The following PLPP3 variants were observed in gnomAD, a reference collection of about 807,000 sequenced individuals.
PLPP3 encodes the protein PAP2 beta.
Under a neutral mutation model 29.6 loss-of-function variants are expected in PLPP3, and 6 were observed. That is an observed-to-expected ratio of 0.20 (90% confidence interval 0.11 to 0.40). PLPP3 has a LOEUF of 0.40. PLPP3 is among the 10% of genes least tolerant of loss of function. PLPP3 has a pLI of 1.00. For missense variants in PLPP3, 308 were observed against 407.7 expected (o/e 0.76, Z 2.11); for synonymous variants, 152 against 159.7 (o/e 0.95, Z 0.36).
Position 56,524,441 on chromosome 1 carries a change from A to G in PLPP3, c.411T>C (p.Cys137=). 6.2e-7 allele frequency: 1 copy of G among 1,614,134 alleles called. No homozygotes were observed. Among genetic ancestry groups the G allele is most frequent in the Non-Finnish European group, 8.5e-7 (1 of 1,179,968 alleles). ...YKQVGCFLFG[C]AISQSFTDIA... ...TGTCTGTGAAAGACTGGCTGATGGC[A>G]CAGCCAAAGAGGAAGCAGCCCACTT... Residue 137 remains cysteine, a synonymous_variant, in exon 3 of 6, where the codon TGT becomes TGC. Coordinates refer to ENST00000371250, the MANE Select transcript of PLPP3 (RefSeq NM_003713.5). This position sits in a 1 kb window ranked among gnomAD's most constrained non-coding sequence, Gnocchi z 4.3.
At position 56,528,368 on chromosome 1, in the gene PLPP3, A is replaced by G. The variant is rs574698372; in HGVS notation, c.298-3814T>C. The stretch of plus-strand genomic sequence containing the variant: ...GAGCTCAACTGCCCACATATTTACA[A>G]ATATTTAACTGTTATGGAGAGGAAA... On this transcript the variant is annotated intron_variant, in intron 2 of 5. Transcript: ENST00000371250. Among the ~76,000 whole-genome samples, 351 of 152,270 alleles carry G rather than the reference A, an allele frequency of 2.3e-3. 1 individual carries two copies. Among genetic ancestry groups the G allele is most frequent in the African/African-American group, 8.0e-3 (331 of 41,540 alleles).
At chr1:56,567,649 G>A (rs946591488) in intron 1 of PLPP3, among the ~76,000 whole-genome samples, 1 of 151,920 alleles carries the variant, frequency 6.6e-6, no homozygotes, top group Non-Finnish European at 1.5e-5. Context: ...CACCCGCCTC[G>A]GCCTCCCAAA....
At chr1:56,552,982 G>A (rs1646050775) in intron 1 of PLPP3, among the ~76,000 whole-genome samples, 1 of 152,288 alleles carries the variant, frequency 6.6e-6, no homozygotes, top group Admixed American at 6.5e-5. Flanking sequence ...CGCTGAGCCT[G>A]TATTAGAGAG....
intron 1 of PLPP3, among the ~76,000 whole-genome samples, chr1:56,548,135 G>A (rs1354228402): frequency 6.6e-6 from 1 of 152,174 alleles, no homozygotes; most frequent in East Asian, 1.9e-4. Context: ...CTTGCATTGA[G>A]CAAGACTGGA....
intron 5 of PLPP3, among the ~76,000 whole-genome samples, chr1:56,510,999 C>G (rs1645737655): frequency 6.6e-6 from 1 of 152,180 alleles, no homozygotes; most frequent in African/African-American, 2.4e-5. Flanking sequence ...GTTTAGATCT[C>G]TCTATTGTTC....
At chr1:56,549,193 T>C (rs1318831169) in intron 1 of PLPP3, among the ~76,000 whole-genome samples, 5 of 152,202 alleles carry the variant, frequency 3.3e-5, no homozygotes, top group Admixed American at 6.5e-5. Flanking sequence ...ATGAAATAAA[T>C]TGAAATCCAC....
intron 5 of PLPP3, among the ~76,000 whole-genome samples, chr1:56,503,084 T>G (rs899033944): frequency 6.8e-6 from 1 of 146,946 alleles, no homozygotes; most frequent in Middle Eastern, 3.2e-3. Context: ...TTGGCAGCCG[T>G]TTTTTTTTTA....
chr1:56,514,575 A>G (rs1645768418), intron 4 of PLPP3, among the ~76,000 whole-genome samples: 3 of 152,164 alleles, frequency 2.0e-5, no homozygotes, highest in Admixed American at 1.3e-4. Flanking sequence ...TTCAAAAAAG[A>G]TAGGTGAATG....
At chr1:56,521,641 G>T (rs1483157027) in intron 4 of PLPP3, among the ~76,000 whole-genome samples, 1 of 151,952 alleles carries the variant, frequency 6.6e-6, no homozygotes, top group Admixed American at 6.6e-5. Context: ...GGCCTCAAGG[G>T]ATCCTCTTAT....
At chr1:56,562,771 C>G (rs1646139234) in intron 1 of PLPP3, among the ~76,000 whole-genome samples, 1 of 152,220 alleles carries the variant, frequency 6.6e-6, no homozygotes, top group Non-Finnish European at 1.5e-5. Flanking sequence ...TAATTATCAG[C>G]TCAGGACACC....
intron 5 of PLPP3, among the ~76,000 whole-genome samples, chr1:56,502,071 G>A (rs1336249958): frequency 6.6e-6 from 1 of 152,168 alleles, no homozygotes; most frequent in Non-Finnish European, 1.5e-5. Context: ...CCTGCCTAGA[G>A]GTCACCAAGA....
intron 1 of PLPP3, among the ~76,000 whole-genome samples, chr1:56,572,385 T>C (rs980908587): frequency 1.3e-5 from 2 of 152,080 alleles, no homozygotes; most frequent in Non-Finnish European, 1.5e-5. Context: ...CTCTGGGCTG[T>C]TGAATGACAG....
chr1:56,513,472 C>T (rs1645759501), intron 4 of PLPP3: 1 of 152,618 alleles, frequency 6.6e-6, no homozygotes, highest in South Asian at 2.1e-4. Context: ...GTGCTGAAGA[C>T]ATGAGTTTGT....
intron 1 of PLPP3, among the ~76,000 whole-genome samples, chr1:56,556,643 A>G (rs11206842): frequency 0.35 from 52,500 of 151,562 alleles, 10,106 homozygotes; most frequent in Admixed American, 0.48. Flanking sequence ...TGGGTTTTTG[A>G]GACCCTGTCT....
At chr1:56,545,778 C>A (rs918339342) in intron 1 of PLPP3, among the ~76,000 whole-genome samples, 11 of 152,170 alleles carry the variant, frequency 7.2e-5, no homozygotes, top group Non-Finnish European at 1.3e-4. Context: ...CAAAACACCC[C>A]GTCTATGTGG....
At chr1:56,550,892 T>C (rs1005664856) in intron 1 of PLPP3, among the ~76,000 whole-genome samples, 8 of 152,122 alleles carry the variant, frequency 5.3e-5, no homozygotes, top group Non-Finnish European at 1.0e-4. Flanking sequence ...GAAGTGGCCT[T>C]GAAAAGAAGT....
intron 4 of PLPP3, among the ~76,000 whole-genome samples, chr1:56,519,746 G>GTT (rs112097512): frequency 8.6e-5 from 12 of 139,870 alleles, no homozygotes; most frequent in Non-Finnish European, 1.1e-4. Flanking sequence ...CTGTGGGTTT[G>GTT]TTTTTTTTTT....
intron 5 of PLPP3, among the ~76,000 whole-genome samples, chr1:56,500,578 G>T (rs1260336270): frequency 6.6e-5 from 10 of 152,342 alleles, no homozygotes; most frequent in Non-Finnish European, 1.2e-4. Context: ...AGTCAAAGAG[G>T]CTGGAGAGGA....
At chr1:56,526,466 TC>T in intron 2 of PLPP3, among the ~76,000 whole-genome samples, 1 of 152,278 alleles carries the variant, frequency 6.6e-6, no homozygotes, top group Middle Eastern at 3.4e-3. Flanking sequence ...ATGATCTAAT[TC>T]CCCTTTTGAA....
Sources: gnomAD v4.1 joint callset for allele counts (sites outside exome capture counted in the v4.1 genomes callset) on GRCh38, gnomAD v4.1.1 for gene constraint, Gnocchi (gnomAD v3.1) non-coding constraint, MANE v1.5 for transcripts, NCBI Gene and HGNC (gene_info 2026-07-23, HGNC 2026-07-21) for gene names.